The following PARD3B variants were observed in gnomAD, a reference collection of about 807,000 sequenced individuals.
The protein encoded by PARD3B is par-3 family cell polarity regulator beta.
A neutral mutation model predicts 130.2 loss-of-function variants in PARD3B; 103 were observed. That is an observed-to-expected ratio of 0.79 (90% CI 0.67 to 0.93). The LOEUF (loss-of-function observed/expected upper bound fraction) is 0.93, where lower values mean the gene tolerates loss of function less well. Ranked by LOEUF, PARD3B falls within the 40% of genes least tolerant of loss-of-function variation. PARD3B has a pLI of 0.00. For missense variants in PARD3B, 1,609 were observed against 1,499.2 expected, an observed-to-expected ratio of 1.07 and a Z score of -1.21; for synonymous variants, 583 against 553.2, an observed-to-expected ratio of 1.05 and a Z score of -0.76.
At chr2:204,973,648 A>G (rs1691901573) in intron 3 of PARD3B, among the ~76,000 whole-genome samples, 1 of 152,012 alleles carries the variant, frequency 6.6e-6, no homozygotes, top group Non-Finnish European at 1.5e-5. Context: ...AGAGTTGGAC[A>G]CGCTTTCGTG....
intron 2 of PARD3B, among the ~76,000 whole-genome samples, chr2:204,833,367 C>G (rs971057282): frequency 1.3e-5 from 2 of 152,092 alleles, no homozygotes; most frequent in Non-Finnish European, 2.9e-5. Flanking sequence ...CACAGCAGAG[C>G]CAGAACTCCC....
intron 21 of PARD3B, among the ~76,000 whole-genome samples, chr2:205,533,839 C>T (rs573385900): frequency 4.9e-4 from 75 of 152,144 alleles, no homozygotes; most frequent in African/African-American, 1.8e-3. Context: ...GCAATCCTTC[C>T]ACCTCGGCCT....
intron 3 of PARD3B, among the ~76,000 whole-genome samples, chr2:205,022,838 C>A (rs532607992): frequency 2.6e-5 from 4 of 152,180 alleles, no homozygotes; most frequent in Admixed American, 6.5e-5. Context: ...TGACAGTATA[C>A]ACCAGAAAAC....
At chr2:204,633,999 A>C (rs2125143815) in intron 1 of PARD3B, among the ~76,000 whole-genome samples, 1 of 152,050 alleles carries the variant, frequency 6.6e-6, no homozygotes. Flanking sequence ...ATACAATTAC[A>C]CTCTTTAAGT....
At position 204,673,130 on chromosome 2, in the gene PARD3B, G is replaced by A. The variant is rs112137130; in HGVS notation, c.121-13051G>A. ...ACTTTAAAGCTCATACTTTTTCCAC[G>A]AAGCATTTTGGGGAGTATGCTGAAT... On this transcript the variant is annotated intron_variant, in intron 1 of 22. Transcript: ENST00000406610. The surrounding 1 kb of genome is among the most constrained non-coding windows in gnomAD (Gnocchi z 4.7). 6.6e-6 allele frequency among the ~76,000 whole-genome samples: 1 copy of A among 152,032 alleles called. No individual in the cohort carries two copies.
At chr2:205,076,206 A>G (rs909159011) in intron 4 of PARD3B, among the ~76,000 whole-genome samples, 1 of 152,184 alleles carries the variant, frequency 6.6e-6, no homozygotes, top group African/African-American at 2.4e-5. Context: ...CAACTGGGTA[A>G]TTCTTATATA....
chr2:204,618,556 T>C (rs1183107168), intron 1 of PARD3B, among the ~76,000 whole-genome samples: 1 of 152,346 alleles, frequency 6.6e-6, no homozygotes, highest in East Asian at 1.9e-4. Context: ...TTGGGAACTC[T>C]TAACTCCTAG....
intron 2 of PARD3B, among the ~76,000 whole-genome samples, chr2:204,854,659 C>A (rs1016521835): frequency 1.3e-5 from 2 of 152,132 alleles, no homozygotes; most frequent in South Asian, 4.1e-4. Flanking sequence ...GAATCGTTGA[C>A]CTCCTCGGGA....
chr2:205,003,628 G>A (rs1352198089), intron 3 of PARD3B, among the ~76,000 whole-genome samples: 4 of 152,144 alleles, frequency 2.6e-5, no homozygotes, highest in Admixed American at 6.5e-5. Flanking sequence ...TCCATAGCAC[G>A]TATCCACATC....
chr2:205,416,601 A>C (rs2046784659), intron 19 of PARD3B, among the ~76,000 whole-genome samples: 1 of 152,092 alleles, frequency 6.6e-6, no homozygotes, highest in Non-Finnish European at 1.5e-5. Flanking sequence ...ACAAAAGTAG[A>C]TTTGTTAATT....
intron 15 of PARD3B, among the ~76,000 whole-genome samples, chr2:205,242,756 T>C (rs559015215): frequency 1.3e-5 from 2 of 152,366 alleles, no homozygotes; most frequent in South Asian, 4.1e-4. Flanking sequence ...TTTTCATTTA[T>C]TGAGAATTAT....
intron 7 of PARD3B, among the ~76,000 whole-genome samples, chr2:205,120,140 C>A (rs2030504260): frequency 6.6e-6 from 1 of 152,026 alleles, no homozygotes; most frequent in Non-Finnish European, 1.5e-5. Context: ...TTAGAAGAAT[C>A]TATTGTGTTA....
intron 10 of PARD3B, among the ~76,000 whole-genome samples, chr2:205,155,256 G>A (rs553145802): frequency 6.6e-6 from 1 of 152,196 alleles, no homozygotes; most frequent in South Asian, 2.1e-4. Flanking sequence ...AGGTGTCTGC[G>A]GTGTAGATCC....
At position 205,421,181 on chromosome 2, in the gene PARD3B, A is replaced by G. The variant is rs907210795; in HGVS notation, c.2742-19189A>G. Reference sequence around the variant, plus strand: ...AAACGGAAAAGAAAATATGTGCTGTATATTGGGAGATGATAAGACGATATC... The same window carrying G: ...AAACGGAAAAGAAAATATGTGCTGTGTATTGGGAGATGATAAGACGATATC... On this transcript the variant is annotated intron_variant, in intron 19 of 22. Transcript: ENST00000406610. The surrounding 1 kb of genome is among the most constrained non-coding windows in gnomAD (Gnocchi z 5.1). 6.6e-6 allele frequency among the ~76,000 whole-genome samples: 1 copy of G among 152,156 alleles called. No homozygotes were observed. Among genetic ancestry groups the G allele is most frequent in the Non-Finnish European group, 1.5e-5 (1 of 68,022 alleles).
intron 18 of PARD3B, among the ~76,000 whole-genome samples, chr2:205,386,151 A>G (rs1296315350): frequency 6.6e-6 from 1 of 152,120 alleles, no homozygotes; most frequent in East Asian, 1.9e-4. Flanking sequence ...TGAAAATGTT[A>G]CTGTTAATCC....
chr2:205,551,867 C>G (rs897427589), intron 21 of PARD3B, among the ~76,000 whole-genome samples: 17 of 152,136 alleles, frequency 1.1e-4, no homozygotes, highest in African/African-American at 3.9e-4. Context: ...CTGGCAAAAT[C>G]TCTTCCTTCC....
chr2:205,527,557 G>A (rs1401832835), intron 21 of PARD3B, among the ~76,000 whole-genome samples: 1 of 152,048 alleles, frequency 6.6e-6, no homozygotes, highest in Non-Finnish European at 1.5e-5. Flanking sequence ...TAAAGATGTG[G>A]CTACCTCAAG....
At chr2:205,074,881 T>C (rs904801170) in intron 4 of PARD3B, among the ~76,000 whole-genome samples, 2 of 152,206 alleles carry the variant, frequency 1.3e-5, no homozygotes, top group South Asian at 2.1e-4. Context: ...ACAAATGTTA[T>C]TCTACATCAA....
At chr2:205,242,530 G>A (rs1279204822) in intron 15 of PARD3B, among the ~76,000 whole-genome samples, 4 of 152,224 alleles carry the variant, frequency 2.6e-5, no homozygotes, top group East Asian at 1.9e-4. Context: ...GATGATTTAG[G>A]AGCCAGGTAA....
Sources: allele counts gnomAD v4.1 joint callset (sites outside exome capture counted in the v4.1 genomes callset), GRCh38; gene constraint gnomAD v4.1.1; non-coding constraint Gnocchi (gnomAD v3.1); transcripts MANE v1.5; gene names NCBI Gene and HGNC (gene_info 2026-07-23, HGNC 2026-07-21).